ZCWPW2: variants seen among roughly 807,000 people sequenced by gnomAD.
ZCWPW2 encodes zinc finger CW-type PWWP domain protein 2.
ZCWPW2 carries 45 observed loss-of-function variants against 46.6 expected under a neutral mutation model. The observed-to-expected ratio is 0.96, with a 90% confidence interval of 0.76 to 1.24. The LOEUF (loss-of-function observed/expected upper bound fraction) is 1.24. Ranked by LOEUF, ZCWPW2 falls within the 50% of genes most tolerant of loss-of-function variation. The probability of loss-of-function intolerance (pLI) is 0.00; values close to 1 mark genes in which losing one functional copy is unlikely to be tolerated. For missense variants in ZCWPW2, 429 were observed against 403.9 expected (o/e 1.06, Z -0.53); for synonymous variants, 152 against 137.1 (o/e 1.11, Z -0.76).
At chr3:28,428,414 C>A (rs1412296392) in intron 3 of ZCWPW2, 1 of 152,172 alleles carries the variant, frequency 6.6e-6, no homozygotes, top group Non-Finnish European at 1.5e-5. Flanking sequence ...CTCTGCTCAG[C>A]CTCTGGGGAG....
chr3:28,351,255 T>C lies in ZCWPW2; in HGVS notation c.-134+2052T>C, dbSNP rs182604517. Among the ~76,000 whole-genome samples the C allele has an allele frequency of 4.0e-5, 6 of 149,088 alleles. 1 individual carries two copies. The highest frequency in any genetic ancestry group is 1.3e-4 in the Admixed American group (2 of 14,910). ...GTTGTCGCTCATTATATAAAAAATA[T>C]ATATATATACATATATATATTACAA... On this transcript the variant is annotated intron_variant, in intron 1 of 9. Transcript: ENST00000383768.
chr3:28,387,821 C>T (rs901853115), intron 1 of ZCWPW2, among the ~76,000 whole-genome samples: 2 of 152,140 alleles, frequency 1.3e-5, no homozygotes, highest in Non-Finnish European at 2.9e-5. Flanking sequence ...TAACCAAAAA[C>T]TTAGTAACAC....
chr3:28,393,603 A>C (rs11924173), intron 2 of ZCWPW2, among the ~76,000 whole-genome samples: 1 of 151,966 alleles, frequency 6.6e-6, no homozygotes, highest in African/African-American at 2.4e-5. Flanking sequence ...GATCAAATGA[A>C]ATTTATCTTT....
At chr3:28,422,784 T>G (rs1696847294) in intron 3 of ZCWPW2, among the ~76,000 whole-genome samples, 1 of 150,976 alleles carries the variant, frequency 6.6e-6, no homozygotes, top group East Asian at 1.9e-4. Flanking sequence ...TGTGTGTGTG[T>G]TTTTTTTTAA....
chr3:28,449,750 A>G (rs183413363), intron 4 of ZCWPW2, among the ~76,000 whole-genome samples: 1 of 152,358 alleles, frequency 6.6e-6, no homozygotes, highest in Non-Finnish European at 1.5e-5. Context: ...GTAATTACTC[A>G]TAGAAATAAC....
At position 28,361,230 on chromosome 3, in the gene ZCWPW2, G is replaced by A. The variant is rs142664749; in HGVS notation, c.-134+12027G>A. On this transcript the variant is annotated intron_variant, in intron 1 of 9. Transcript: ENST00000383768. ...GAGCCCAGAAATAAGCCTACACACT[G>A]TGGTAAAATTATCTTCAACAAAGAT... Among the ~76,000 whole-genome samples the A allele has an allele frequency of 2.5e-3, 385 of 152,270 alleles. 1 individual carries two copies. Among genetic ancestry groups the A allele is most frequent in the African/African-American group, 8.4e-3 (349 of 41,550 alleles).
At chr3:28,370,033 T>G (rs551863575) in intron 1 of ZCWPW2, among the ~76,000 whole-genome samples, 1 of 152,216 alleles carries the variant, frequency 6.6e-6, no homozygotes, top group Non-Finnish European at 1.5e-5. Context: ...GGGAGTGACC[T>G]GATTTTCCAG....
chr3:28,456,766 A>G (rs1342634899), intron 4 of ZCWPW2, among the ~76,000 whole-genome samples: 1 of 152,306 alleles, frequency 6.6e-6, no homozygotes, highest in East Asian at 1.9e-4. Context: ...TATGTGATTC[A>G]TCACATTTAT....
chr3:28,453,824 TTTATTTATTTTTA>T (rs931261310), intron 4 of ZCWPW2, among the ~76,000 whole-genome samples: 2 of 147,508 alleles, frequency 1.4e-5, no homozygotes, highest in African/African-American at 5.0e-5. Context: ...TATTTATTTA[TTTATTTATTTTTA>T]TTTTTTTTAT....
intron 8 of ZCWPW2, among the ~76,000 whole-genome samples, chr3:28,519,588 G>A (rs1052403136): frequency 6.6e-6 from 1 of 151,996 alleles, no homozygotes; most frequent in Non-Finnish European, 1.5e-5. Flanking sequence ...GTCCTGTTTG[G>A]GTATTTTCAT....
At chr3:28,382,570 G>C (rs1695144860) in intron 1 of ZCWPW2, among the ~76,000 whole-genome samples, 1 of 152,086 alleles carries the variant, frequency 6.6e-6, no homozygotes, top group African/African-American at 2.4e-5. Context: ...TGGTTTTCTT[G>C]CTTTTGTTTT....
intron 5 of ZCWPW2, among the ~76,000 whole-genome samples, chr3:28,486,850 G>C (rs2125811904): frequency 6.6e-6 from 1 of 151,668 alleles, no homozygotes; most frequent in African/African-American, 2.4e-5. Flanking sequence ...TGAGTACAGA[G>C]TGAGACCCTA....
chr3:28,505,548 T>A (rs1424535714), intron 6 of ZCWPW2, among the ~76,000 whole-genome samples: 1 of 152,184 alleles, frequency 6.6e-6, no homozygotes, highest in Non-Finnish European at 1.5e-5. Context: ...TTAACTATAT[T>A]ATCTCTACTG....
chr3:28,409,704 G>T lies in ZCWPW2; in HGVS notation c.-13-3352G>T, dbSNP rs145940139. 2.7e-3 allele frequency among the ~76,000 whole-genome samples: 406 copies of T among 151,906 alleles called. 3 individuals are homozygous for T. Among genetic ancestry groups the T allele is most frequent in the Non-Finnish European group, 4.0e-3 (272 of 67,912 alleles). ...ATCATGTATTAAGAGTAGTATTAAG[G>T]GTAACTATTGTAATAAAAATAACAT... On this transcript the variant is annotated intron_variant, in intron 2 of 9. Coordinates refer to ENST00000383768, the MANE Select transcript of ZCWPW2 (RefSeq NM_001040432.4).
chr3:28,431,400 T>G (rs1007676673), intron 3 of ZCWPW2, among the ~76,000 whole-genome samples: 19 of 149,932 alleles, frequency 1.3e-4, no homozygotes, highest in African/African-American at 4.5e-4. Flanking sequence ...CAGGATTAAT[T>G]TTTTTTTTAA....
At chr3:28,471,776 A>G (rs181139234) in intron 4 of ZCWPW2, among the ~76,000 whole-genome samples, 2 of 152,288 alleles carry the variant, frequency 1.3e-5, no homozygotes, top group African/African-American at 4.8e-5. Flanking sequence ...TTGGAAAGGA[A>G]GAAGTCAAAT....
intron 6 of ZCWPW2, among the ~76,000 whole-genome samples, chr3:28,495,391 A>G (rs951825739): frequency 1.3e-5 from 2 of 152,128 alleles, no homozygotes; most frequent in Non-Finnish European, 2.9e-5. Flanking sequence ...GTTTATTTCA[A>G]TCTTTGCTAA....
At chr3:28,449,209 TTACCTAAAATCATG>T (rs1698130552) in intron 4 of ZCWPW2, among the ~76,000 whole-genome samples, 1 of 152,116 alleles carries the variant, frequency 6.6e-6, no homozygotes, top group South Asian at 2.1e-4. Flanking sequence ...AGCTAGACCC[TTACCTAAAATCATG>T]TACAAAAACG....
chr3:28,369,642 T>C (rs897767313), intron 1 of ZCWPW2, among the ~76,000 whole-genome samples: 1 of 152,202 alleles, frequency 6.6e-6, no homozygotes. Flanking sequence ...CGTTCTCAGA[T>C]CTCCAGCTGC....
Sources: gnomAD v4.1 joint callset for allele counts (sites outside exome capture counted in the v4.1 genomes callset) on GRCh38, gnomAD v4.1.1 for gene constraint, MANE v1.5 for transcripts, NCBI Gene and HGNC (gene_info 2026-07-23, HGNC 2026-07-21) for gene names.